The following KAZN variants were observed in gnomAD, a reference collection of about 807,000 sequenced individuals.
KAZN encodes kazrin, periplakin interacting protein, also known as kazrin.
KAZN carries 40 observed loss-of-function variants against 87.4 expected under a neutral mutation model. The ratio of observed to expected loss-of-function variants is 0.46; its 90% CI spans 0.36 to 0.60. The LOEUF (loss-of-function observed/expected upper bound fraction) is 0.60, where lower values mean the gene tolerates loss of function less well. KAZN is among the 20% of genes least tolerant of loss of function. KAZN has a pLI of 0.00. For synonymous variants in KAZN, 466 were observed against 458.3 expected (o/e 1.02, Z -0.22); for missense variants, 898 against 1,073.9 (o/e 0.84, Z 2.29).
At chr1:14,080,882 C>G (rs1322872657) in intron 1 of KAZN, among the ~76,000 whole-genome samples, 2 of 152,188 alleles carry the variant, frequency 1.3e-5, no homozygotes, top group African/African-American at 2.4e-5. Flanking sequence ...GACCTCAGCA[C>G]TAAACAGCCC....
chr1:14,804,152 T>C (rs1199694537), intron 1 of KAZN, among the ~76,000 whole-genome samples: 2 of 152,250 alleles, frequency 1.3e-5, no homozygotes, highest in Non-Finnish European at 1.5e-5. Flanking sequence ...TGGTCTGTGC[T>C]GTCCCCCTCC....
At chr1:14,195,179 T>C (rs1646501225) in intron 2 of KAZN, among the ~76,000 whole-genome samples, 1 of 152,192 alleles carries the variant, frequency 6.6e-6, no homozygotes, top group Non-Finnish European at 1.5e-5. Context: ...CCTTCATTAA[T>C]GGAGTGTTTC....
chr1:14,278,775 T>C (rs1652602121), intron 2 of KAZN, among the ~76,000 whole-genome samples: 1 of 152,182 alleles, frequency 6.6e-6, no homozygotes, highest in African/African-American at 2.4e-5. Flanking sequence ...TGCCATTTAT[T>C]TATTGGAGAA....
intron 1 of KAZN, among the ~76,000 whole-genome samples, chr1:14,131,923 T>C (rs1645000695): frequency 6.6e-6 from 1 of 152,058 alleles, no homozygotes; most frequent in South Asian, 2.1e-4. Flanking sequence ...GAGTTTTTGT[T>C]CTCTCACTGG....
chr1:15,055,981 C>T (rs1396518554), intron 4 of KAZN, 110 bp from the exon 5 acceptor site: 64 of 1,056,750 alleles, frequency 6.1e-5, no homozygotes, highest in Admixed American at 6.7e-5. Context: ...CAGCAATACC[C>T]GGTGCAGAGG....
intron 2 of KAZN, among the ~76,000 whole-genome samples, chr1:14,987,328 A>G (rs1414897946): frequency 2.6e-5 from 4 of 152,124 alleles, no homozygotes; most frequent in Admixed American, 1.3e-4. Context: ...CCCCGTCTCT[A>G]CTAAAGATAC....
chr1:14,327,788 C>T (rs919849422), intron 2 of KAZN, among the ~76,000 whole-genome samples: 1 of 152,174 alleles, frequency 6.6e-6, no homozygotes, highest in South Asian at 2.1e-4. Flanking sequence ...ACACTAATCA[C>T]GCATTCTCCA....
chr1:14,705,163 C>T (rs1368489600), intron 1 of KAZN, among the ~76,000 whole-genome samples: 1 of 152,154 alleles, frequency 6.6e-6, no homozygotes, highest in Non-Finnish European at 1.5e-5. Context: ...CTCTTGCTGC[C>T]TCTTCCCATG....
intron 2 of KAZN, among the ~76,000 whole-genome samples, chr1:14,191,595 G>A (rs544006013): frequency 1.4e-4 from 21 of 152,194 alleles, no homozygotes; most frequent in Admixed American, 4.6e-4. Flanking sequence ...AGTCATCAGT[G>A]TCTCTGCTGA....
At position 14,667,635 on chromosome 1, in the gene KAZN, A is replaced by G. The variant is rs370741055; in HGVS notation, c.226+68412A>G. On this transcript the variant is annotated intron_variant, in intron 1 of 14. Coordinates refer to ENST00000376030, the MANE Select transcript of KAZN (RefSeq NM_201628.3). ...CCAGGCAGATTTCTCTTCAGGTTGT[A>G]ATTATTCTGGAACAAACAGAGAATT... Among the ~76,000 whole-genome samples the G allele has an allele frequency of 4.6e-5, 7 of 152,218 alleles. No individual in the cohort carries two copies. In the East Asian group the frequency reaches 1.4e-3, roughly 29 times the overall value.
chr1:14,557,057 C>T (rs2148520855), intron 2 of KAZN, among the ~76,000 whole-genome samples: 1 of 152,154 alleles, frequency 6.6e-6, no homozygotes, highest in East Asian at 1.9e-4. Flanking sequence ...CAAAATAAAG[C>T]TACACAAGAA....
chr1:14,913,934 C>T (rs554547574), intron 1 of KAZN, among the ~76,000 whole-genome samples: 1 of 152,320 alleles, frequency 6.6e-6, no homozygotes, highest in African/African-American at 2.4e-5. Flanking sequence ...GTGCAGAAGA[C>T]CTTCAGGATG....
chr1:14,815,357 G>A (rs1646531402), intron 1 of KAZN, among the ~76,000 whole-genome samples: 1 of 152,144 alleles, frequency 6.6e-6, no homozygotes, highest in Non-Finnish European at 1.5e-5. Context: ...CCCTAAGAGT[G>A]CTGAGAAGGT....
intron 8 of KAZN, among the ~76,000 whole-genome samples, chr1:15,073,912 C>T (rs1639624639): frequency 1.3e-5 from 2 of 152,224 alleles, no homozygotes; most frequent in Non-Finnish European, 2.9e-5. Context: ...AGATGTGGAG[C>T]TGCTACAGAG....
At chr1:14,328,345 C>A (rs78681635) in intron 2 of KAZN, among the ~76,000 whole-genome samples, 2,534 of 152,296 alleles carry the variant, frequency 0.017, 34 homozygotes, top group Middle Eastern at 0.044. Context: ...TTCCCCTCCC[C>A]TTCCAAAACC....
intron 1 of KAZN, among the ~76,000 whole-genome samples, chr1:14,149,531 C>T (rs916268930): frequency 1.8e-4 from 27 of 152,130 alleles, no homozygotes; most frequent in Admixed American, 1.2e-3. Flanking sequence ...AGCTCAGTTC[C>T]TCCCATCTCG....
intron 1 of KAZN, 33 bp from the exon 2 acceptor site, chr1:14,960,651 C>T: frequency 6.5e-7 from 1 of 1,545,558 alleles, no homozygotes; most frequent in Non-Finnish European, 8.7e-7. Context: ...CAGAGACGTT[C>T]CTGTCCTCTA....
chr1:13,957,265 G>GAT (rs948618115), intron 1 of KAZN, among the ~76,000 whole-genome samples: 3 of 152,274 alleles, frequency 2.0e-5, no homozygotes, highest in Non-Finnish European at 4.4e-5. Flanking sequence ...AAAATAAAAT[G>GAT]ATATATGCAG....
At chr1:14,929,230 T>C (rs1232998449) in intron 1 of KAZN, among the ~76,000 whole-genome samples, 1 of 152,216 alleles carries the variant, frequency 6.6e-6, no homozygotes, top group Non-Finnish European at 1.5e-5. Flanking sequence ...ACTTGATGTA[T>C]ATGTGTTTAA....
Sources: allele counts gnomAD v4.1 joint callset (sites outside exome capture counted in the v4.1 genomes callset), GRCh38; gene constraint gnomAD v4.1.1; transcripts MANE v1.5; gene names NCBI Gene and HGNC (gene_info 2026-07-23, HGNC 2026-07-21).